The following SRD5A2 variants were observed in gnomAD, a reference collection of about 807,000 sequenced individuals.
The protein encoded by SRD5A2 is steroid 5 alpha-reductase 2.
Under a neutral mutation model 27.4 loss-of-function variants are expected in SRD5A2, and 30 were observed. The observed-to-expected ratio is 1.10, with a 90% CI of 0.82 to 1.49. The LOEUF (loss-of-function observed/expected upper bound fraction) is 1.49, where lower values mean the gene tolerates loss of function less well. Among genes scored for constraint, SRD5A2 ranks in the 40% most tolerant of loss-of-function variants. The pLI, the probability that SRD5A2 is intolerant of heterozygous loss-of-function variation, is 0.00. For synonymous variants in SRD5A2, 141 were observed against 133.6 expected, an observed-to-expected ratio of 1.06 and a Z score of -0.38; for missense variants, 348 against 323.4, an observed-to-expected ratio of 1.08 and a Z score of -0.58.
chr2:31,599,983 C>G, the SRD5A2 span, among the ~76,000 whole-genome samples: 1 of 151,862 alleles, frequency 6.6e-6, no homozygotes, highest in African/African-American at 2.4e-5. Flanking sequence ...CTCCTTCTTC[C>G]CATCCTACAC....
the SRD5A2 span, among the ~76,000 whole-genome samples, chr2:31,648,019 A>C: frequency 6.6e-6 from 1 of 152,136 alleles, no homozygotes; most frequent in African/African-American, 2.4e-5. Context: ...TGAGCCAAAG[A>C]CTGTGTGCAT....
At chr2:31,529,219 G>T in intron 4 of SRD5A2, 88 bp downstream of exon 4, 2 of 1,523,536 alleles carry the variant, frequency 1.3e-6, no homozygotes, top group East Asian at 4.6e-5. Flanking sequence ...AAATATCTTC[G>T]GTTTCTCAAT....
At chr2:31,638,969 G>T in the SRD5A2 span, among the ~76,000 whole-genome samples, 2 of 151,668 alleles carry the variant, frequency 1.3e-5, no homozygotes, top group African/African-American at 2.4e-5. Flanking sequence ...TTGTTTTCTG[G>T]TTGTTTTGGG....
In SRD5A2 at chr2:31,529,548, G is replaced by A. The variant is rs1665859991; in HGVS notation, c.548-91C>T. 6.0e-6 allele frequency: 9 copies of A among 1,512,396 alleles called. No individual in the cohort carries two copies. In the Admixed American group the frequency reaches 6.5e-5, roughly 11 times the overall value. The allele number at this position is 1,512,396 out of a possible 1,614,324, so 93.7% of individuals were successfully genotyped here. ...TGTTGTTCCAAAATACACAAAGGCA[G>A]CAAGAACAAATGTGGGGCTGGAGGC... On this transcript the variant is annotated intron_variant, in intron 3 of 4. Transcript: ENST00000622030.
the SRD5A2 span, among the ~76,000 whole-genome samples, chr2:31,609,235 A>G: frequency 1.3e-5 from 2 of 152,080 alleles, no homozygotes; most frequent in African/African-American, 4.8e-5. Context: ...TGATCTACAG[A>G]TTCACTTCAA....
At chr2:31,623,290 T>A in the SRD5A2 span, among the ~76,000 whole-genome samples, 1 of 151,924 alleles carries the variant, frequency 6.6e-6, no homozygotes, top group Non-Finnish European at 1.5e-5. Flanking sequence ...CTAAGATAAA[T>A]ATAAAATAAA....
the SRD5A2 span, among the ~76,000 whole-genome samples, chr2:31,655,535 A>T: frequency 6.6e-6 from 1 of 152,196 alleles, no homozygotes; most frequent in African/African-American, 2.4e-5. Context: ...GACAGCCTAG[A>T]AAGAATGACA....
the SRD5A2 span, among the ~76,000 whole-genome samples, chr2:31,586,890 C>A: frequency 6.6e-6 from 1 of 152,134 alleles, no homozygotes; most frequent in African/African-American, 2.4e-5. Flanking sequence ...AAGTAAGGCA[C>A]CATGGACCAA....
the SRD5A2 span, among the ~76,000 whole-genome samples, chr2:31,639,048 G>T: frequency 1.3e-5 from 2 of 151,712 alleles, no homozygotes; most frequent in South Asian, 2.1e-4. Context: ...CTTTTAGTTT[G>T]TTCCTTTTTA....
chr2:31,573,610 C>T (rs537493945), intron 1 of SRD5A2, among the ~76,000 whole-genome samples: 1 of 152,302 alleles, frequency 6.6e-6, no homozygotes, highest in East Asian at 1.9e-4. Context: ...CTACAGCTGG[C>T]TGAGGGCCCT....
chr2:31,559,378 C>A (rs183638831), intron 1 of SRD5A2, among the ~76,000 whole-genome samples: 92 of 152,240 alleles, frequency 6.0e-4, no homozygotes, highest in East Asian at 1.4e-3. Context: ...TTCAATATCC[C>A]TTTTTTTCTT....
chr2:31,606,589 A>G, the SRD5A2 span, among the ~76,000 whole-genome samples: 2 of 151,866 alleles, frequency 1.3e-5, 1 homozygote, highest in South Asian at 4.1e-4. Flanking sequence ...GGAAAGCTCA[A>G]TCGAGCTTCA....
intron 1 of SRD5A2, among the ~76,000 whole-genome samples, chr2:31,575,138 T>G (rs1403924365): frequency 6.6e-6 from 1 of 152,188 alleles, no homozygotes; most frequent in Non-Finnish European, 1.5e-5. Context: ...TTTCTTAATC[T>G]CTAAGAGGAG....
chr2:31,627,805 T>C, the SRD5A2 span, among the ~76,000 whole-genome samples: 1 of 152,208 alleles, frequency 6.6e-6, no homozygotes, highest in Admixed American at 6.6e-5. Flanking sequence ...CATTGATTTT[T>C]ATTTTTTTGG....
the SRD5A2 span, among the ~76,000 whole-genome samples, chr2:31,601,503 A>G: frequency 7.2e-5 from 11 of 152,112 alleles, no homozygotes; most frequent in African/African-American, 2.7e-4. Context: ...AAGACCTGGT[A>G]CCATTTCTAC....
Position 31,560,122 on chromosome 2 carries a change from G to C in SRD5A2, c.281+20498C>G, listed in dbSNP as rs551419906. On this transcript the variant is annotated intron_variant, in intron 1 of 4. Transcript: ENST00000622030. ...AATCAAGTATTTTAGGTAGGTGAGA[G>C]GACAGGTGCTCCAGGATATTCTAAG... is the stretch of plus-strand genomic sequence containing the variant. 9.0e-4 allele frequency among the ~76,000 whole-genome samples: 135 copies of C among 149,746 alleles called. 1 individual carries two copies. Among genetic ancestry groups the C allele is most frequent in the Middle Eastern group, 3.5e-3 (1 of 282 alleles).
chr2:31,559,820 G>C (rs2148087611), intron 1 of SRD5A2, among the ~76,000 whole-genome samples: 1 of 138,660 alleles, frequency 7.2e-6, no homozygotes, highest in South Asian at 2.3e-4. Context: ...GTGCCCATAA[G>C]TAAAAGTAAA....
chr2:31,574,766 A>T (rs942428063), intron 1 of SRD5A2, among the ~76,000 whole-genome samples: 1 of 152,268 alleles, frequency 6.6e-6, no homozygotes, highest in African/African-American at 2.4e-5. Context: ...ATTTTATTAT[A>T]GAATTACCAG....
chr2:31,651,386 C>T, the SRD5A2 span: 1 of 227,962 alleles, frequency 4.4e-6, no homozygotes, highest in Admixed American at 4.2e-5. Flanking sequence ...AGAAGAAGAA[C>T]AAAAGAGCAA....
Sources: gnomAD v4.1 joint callset for allele counts (sites outside exome capture counted in the v4.1 genomes callset) on GRCh38, gnomAD v4.1.1 for gene constraint, MANE v1.5 for transcripts, NCBI Gene and HGNC (gene_info 2026-07-23, HGNC 2026-07-21) for gene names.